Variants in UBOX5 observed in about 807,000 individuals in gnomAD.
The protein encoded by UBOX5 is RING finger protein 37.
A neutral mutation model predicts 39.0 loss-of-function variants in UBOX5; 28 were observed. That is an observed-to-expected ratio of 0.72 (90% CI 0.53 to 0.98). The LOEUF (loss-of-function observed/expected upper bound fraction) is 0.98. UBOX5 is among the 50% of genes least tolerant of loss of function. The pLI, the probability that UBOX5 is intolerant of heterozygous loss-of-function variation, is 0.00. For synonymous variants in UBOX5, 283 were observed against 275.5 expected (o/e 1.03, Z -0.27); for missense variants, 585 against 674.4 (o/e 0.87, Z 1.47).
At chr20:3,130,538 G>A (rs1300659761) in intron 1 of UBOX5, among the ~76,000 whole-genome samples, 1 of 151,724 alleles carries the variant, frequency 6.6e-6, no homozygotes, top group African/African-American at 2.4e-5. Flanking sequence ...ACTACCTTAA[G>A]ATCAAAATCT....
chr20:3,126,679 G>C (rs2066391916), intron 1 of UBOX5, among the ~76,000 whole-genome samples: 1 of 151,512 alleles, frequency 6.6e-6, no homozygotes, highest in South Asian at 2.1e-4. Flanking sequence ...AAGAGAGAGA[G>C]GGAGGGAGGG....
In UBOX5 at chr20:3,121,797, C is replaced by T. The variant is rs749494013; in HGVS notation, c.842G>A (p.Gly281Asp). Residue 281 changes from glycine to aspartate, a missense_variant, in exon 3 of 5, where the codon GGC becomes GAC. Physicochemically the swap from Gly to Asp is moderately conservative, Grantham distance 94. Coordinates refer to ENST00000217173, the MANE Select transcript of UBOX5 (RefSeq NM_014948.4). Reference protein sequence around the residue: ...IMPCPMLLPSGKVIDQSTLEK... With the variant: ...IMPCPMLLPSDKVIDQSTLEK... ...CAGTGTGCTCTGGTCGATGACCTTGCCTGAGGGCAGCAGCATGGGACAAGG... is the reference window on the plus strand; with the variant it reads ...CAGTGTGCTCTGGTCGATGACCTTGTCTGAGGGCAGCAGCATGGGACAAGG... 3.7e-6 allele frequency: 6 copies of T among 1,614,040 alleles called. No individual in the cohort carries two copies. In the African/African-American group the frequency reaches 6.7e-5, roughly 18 times the overall value.
chr20:3,143,390 C>A (rs1418120862), intron 1 of UBOX5, among the ~76,000 whole-genome samples: 1 of 151,688 alleles, frequency 6.6e-6, no homozygotes, highest in African/African-American at 2.4e-5. Context: ...GTGTGAGCCG[C>A]CATGCCTGAT....
At chr20:3,147,710 A>T (rs2066581383) in intron 1 of UBOX5, 6 of 1,614,254 alleles carry the variant, frequency 3.7e-6, no homozygotes, top group Non-Finnish European at 4.2e-6. Flanking sequence ...CTCACTTATC[A>T]GGCTGGAGTA....
chr20:3,142,879 ATTGT>A (rs1224390471), intron 1 of UBOX5, among the ~76,000 whole-genome samples: 1 of 151,632 alleles, frequency 6.6e-6, no homozygotes, highest in Non-Finnish European at 1.5e-5. Flanking sequence ...GCCTACTTTC[ATTGT>A]TTGTATTCGA....
chr20:3,127,717 T>C (rs2066401433), intron 1 of UBOX5, among the ~76,000 whole-genome samples: 1 of 152,226 alleles, frequency 6.6e-6, no homozygotes. Context: ...CAAACATTTA[T>C]ACACGAGAAT....
At chr20:3,152,176 G>A (rs1411663543) in intron 1 of UBOX5, among the ~76,000 whole-genome samples, 1 of 151,642 alleles carries the variant, frequency 6.6e-6, no homozygotes, top group Non-Finnish European at 1.5e-5. Flanking sequence ...GACAGAACAG[G>A]GCTTTTAAGA....
At chr20:3,121,113 G>A (rs1483234356) in intron 3 of UBOX5, among the ~76,000 whole-genome samples, 1 of 152,178 alleles carries the variant, frequency 6.6e-6, no homozygotes. Context: ...GTGCCCATGG[G>A]ACCATCACCA....
chr20:3,127,470 T>G (rs1007575772), intron 1 of UBOX5, among the ~76,000 whole-genome samples: 1 of 152,242 alleles, frequency 6.6e-6, no homozygotes, highest in African/African-American at 2.4e-5. Context: ...AACATGGTTT[T>G]CATATATGCT....
chr20:3,133,334 G>C (rs116945683), intron 1 of UBOX5, among the ~76,000 whole-genome samples: 1,828 of 152,238 alleles, frequency 0.012, 17 homozygotes, highest in South Asian at 0.044. Context: ...GGCCTCCCTA[G>C]TCCTGCTGAG....
chr20:3,111,229 T>C (rs1320709914), intron 4 of UBOX5, among the ~76,000 whole-genome samples: 13 of 152,214 alleles, frequency 8.5e-5, no homozygotes, highest in Non-Finnish European at 1.3e-4. Flanking sequence ...TTGTGGTCCA[T>C]GTCTCCATTC....
intron 4 of UBOX5, chr20:3,110,666 GA>G: frequency 3.2e-6 from 1 of 314,500 alleles, no homozygotes; most frequent in Non-Finnish European, 6.1e-6. Context: ...AGCTCACTCT[GA>G]CAAGATAAAC....
At chr20:3,139,754 G>C (rs113563049) in intron 1 of UBOX5, among the ~76,000 whole-genome samples, 10,978 of 151,156 alleles carry the variant, frequency 0.073, 499 homozygotes, top group Middle Eastern at 0.12. Context: ...GTGTCACCTC[G>C]GCTGGAGAGC....
chr20:3,110,663 T>C (rs148203849), intron 4 of UBOX5: 35 of 316,614 alleles, frequency 1.1e-4, no homozygotes, highest in African/African-American at 7.2e-4. Flanking sequence ...CACAGCTCAC[T>C]CTGACAAGAT....
At chr20:3,125,716 C>A (rs1391867869) in intron 1 of UBOX5, among the ~76,000 whole-genome samples, 2 of 148,346 alleles carry the variant, frequency 1.3e-5, no homozygotes, top group Admixed American at 1.3e-4. Flanking sequence ...AGTGCCTCTG[C>A]CTGGCCGCCC....
intron 1 of UBOX5, among the ~76,000 whole-genome samples, chr20:3,138,843 G>A (rs2066492529): frequency 6.6e-6 from 1 of 152,150 alleles, no homozygotes. Context: ...GAACACCTCA[G>A]CATCCAGCTT....
At chr20:3,112,428 GA>G (rs11477759) in intron 4 of UBOX5, among the ~76,000 whole-genome samples, 17,121 of 120,834 alleles carry the variant, frequency 0.14, 1,153 homozygotes, top group African/African-American at 0.22. Context: ...TTCAGTGACA[GA>G]AAAAAAAAAA....
chr20:3,120,304 G>A (rs1193578199), intron 3 of UBOX5, among the ~76,000 whole-genome samples: 5 of 145,602 alleles, frequency 3.4e-5, no homozygotes, highest in Admixed American at 7.0e-5. Context: ...CCAATATCAC[G>A]CCACTGCACT....
intron 1 of UBOX5, among the ~76,000 whole-genome samples, chr20:3,158,326 A>G (rs1271161695): frequency 6.6e-6 from 1 of 152,090 alleles, no homozygotes; most frequent in East Asian, 1.9e-4. Flanking sequence ...GCAAGGCCTT[A>G]TTAGGGACTA....
Sources: allele counts gnomAD v4.1 joint callset (sites outside exome capture counted in the v4.1 genomes callset), GRCh38; gene constraint gnomAD v4.1.1; transcripts MANE v1.5; gene names NCBI Gene and HGNC (gene_info 2026-07-23, HGNC 2026-07-21).